Variants in VPS53 observed in about 807,000 individuals in gnomAD.
VPS53 encodes VPS53 subunit of GARP complex.
Under a neutral mutation model 107.0 loss-of-function variants are expected in VPS53, and 70 were observed. The observed-to-expected ratio is 0.65, with a 90% CI of 0.54 to 0.80. The LOEUF is 0.80. Among genes scored for constraint, VPS53 ranks in the 30% least tolerant of loss-of-function variants. VPS53 has a pLI of 0.00. For synonymous variants in VPS53, 409 were observed against 393.3 expected (o/e 1.04, Z -0.47); for missense variants, 917 against 1,049.4 (o/e 0.87, Z 1.74).
At position 714,667 on chromosome 17, in the gene VPS53, C is replaced by T. The variant is rs748239762; in HGVS notation, c.43G>A (p.Ala15Thr). The T allele has an allele frequency of 7.4e-6, 12 of 1,613,536 alleles. 1 individual carries two copies. In the South Asian group the frequency reaches 1.3e-4, roughly 18 times the overall value. Residue 15 changes from alanine to threonine, a missense_variant, in exon 1 of 22, where the codon GCC becomes ACC. By Grantham distance (58) the Ala-to-Thr change is moderately conservative. Transcript: ENST00000437048. Reference protein sequence around the residue: ...EELEFVEELEAVLQLTPEVQL... With the variant: ...EELEFVEELETVLQLTPEVQL... Reference sequence around the variant, plus strand: ...ACCTCGGGCGTGAGCTGCAGCACGGCTTCCAGCTCCTCCACGAACTCCAGT... The same window carrying T: ...ACCTCGGGCGTGAGCTGCAGCACGGTTTCCAGCTCCTCCACGAACTCCAGT...
At position 540,963 on chromosome 17, in the gene VPS53, G is replaced by A. The variant is rs112376584; in HGVS notation, c.1867-3787C>T. On this transcript the variant is annotated intron_variant, in intron 17 of 21. Transcript: ENST00000437048. ...ACCAGAGAACAGCGCTCCACAACTA[G>A]CTTCAGTGGATCTTGTTTTTTCCTA... is the stretch of plus-strand genomic sequence containing the variant. Among the ~76,000 whole-genome samples the A allele has an allele frequency of 7.9e-5, 12 of 152,308 alleles. 1 individual carries two copies. The highest frequency in any genetic ancestry group is 3.9e-4 in the Admixed American group (6 of 15,294).
chr17:649,560 C>T (rs370602555), intron 7 of VPS53, among the ~76,000 whole-genome samples: 1 of 144,792 alleles, frequency 6.9e-6, no homozygotes, highest in South Asian at 2.4e-4. Context: ...AGATCTTACA[C>T]TGGAGGACAG....
intron 10 of VPS53, among the ~76,000 whole-genome samples, chr17:625,453 A>C (rs187310160): frequency 2.3e-3 from 349 of 148,888 alleles, no homozygotes; most frequent in African/African-American, 8.2e-3. Flanking sequence ...AGCCTGGGCA[A>C]CACTGCGAGA....
intron 17 of VPS53, among the ~76,000 whole-genome samples, chr17:548,615 A>G (rs144983626): frequency 0.017 from 1,888 of 112,592 alleles, 101 homozygotes; most frequent in Middle Eastern, 0.029. Flanking sequence ...TGGCCAGCCA[A>G]CAGTCCTTCT....
intron 2 of VPS53, among the ~76,000 whole-genome samples, chr17:709,977 T>A (rs1042736528): frequency 2.0e-5 from 3 of 152,014 alleles, no homozygotes; most frequent in Admixed American, 2.0e-4. Flanking sequence ...AAACCCCGTC[T>A]CTACTAAAAT....
At chr17:647,777 G>A (rs1056821222) in intron 7 of VPS53, among the ~76,000 whole-genome samples, 7 of 152,128 alleles carry the variant, frequency 4.6e-5, no homozygotes, top group African/African-American at 7.2e-5. Flanking sequence ...GCCCCGGAGC[G>A]TCAGAAATAA....
At chr17:642,950 GAGGACAACTCTCATACTTGGAAAGC>G (rs1970496870) in intron 7 of VPS53, among the ~76,000 whole-genome samples, 1 of 105,702 alleles carries the variant, frequency 9.5e-6, no homozygotes, top group Non-Finnish European at 2.2e-5. Context: ...CTTGGCAACC[GAGGACAACTCTCATACTTGGAAAGC>G]GAGGACAACA....
intron 2 of VPS53, among the ~76,000 whole-genome samples, chr17:701,790 A>G (rs1331973886): frequency 6.6e-6 from 1 of 152,172 alleles, no homozygotes; most frequent in Non-Finnish European, 1.5e-5. Flanking sequence ...GCAGTGGTGC[A>G]ATCATAGCTC....
intron 18 of VPS53, 123 bp downstream of exon 18, chr17:536,905 G>T: frequency 4.8e-6 from 6 of 1,257,502 alleles, no homozygotes; most frequent in Non-Finnish European, 6.6e-6. Context: ...TGTTGGGGGG[G>T]TCAGGTACAC....
intron 7 of VPS53, among the ~76,000 whole-genome samples, chr17:650,399 A>T (rs1483801229): frequency 6.6e-6 from 1 of 152,132 alleles, no homozygotes; most frequent in African/African-American, 2.4e-5. Context: ...CAGGAGGTGG[A>T]GGCAGGAGGA....
intron 4 of VPS53, chr17:674,805 G>A (rs1424091952): frequency 6.6e-6 from 1 of 152,234 alleles, no homozygotes; most frequent in Non-Finnish European, 1.5e-5. Flanking sequence ...TACTGCGAAT[G>A]AGAAAATCTG....
In VPS53 at chr17:639,378, C is replaced by G. The variant is rs189103032; in HGVS notation, c.609-7750G>C. Among the ~76,000 whole-genome samples the G allele has an allele frequency of 9.8e-4, 149 of 152,286 alleles. 1 individual carries two copies. Among genetic ancestry groups the G allele is most frequent in the African/African-American group, 3.3e-3 (139 of 41,548 alleles). On this transcript the variant is annotated intron_variant, in intron 7 of 21. Coordinates refer to ENST00000437048, the MANE Select transcript of VPS53 (RefSeq NM_001128159.3). ...TGGGTTCAAACTTCCTCCTTTAGCT[C>G]AGAGAAGTTTGATCGTCTGAAGCCT...
At chr17:534,308 C>T (rs1025667119) in intron 18 of VPS53, among the ~76,000 whole-genome samples, 2 of 152,186 alleles carry the variant, frequency 1.3e-5, no homozygotes, top group South Asian at 4.1e-4. Flanking sequence ...TGTGGTTCAA[C>T]TGCAGTTTCA....
At position 714,724 on chromosome 17, in the gene VPS53, C is replaced by G; in HGVS notation, c.-15G>C. ...TCCTCCATCATTCCGCCACCCGGCCCCCTGCCGACCCCCGCCGCGAGCCCA... is the reference window on the plus strand; with the variant it reads ...TCCTCCATCATTCCGCCACCCGGCCGCCTGCCGACCCCCGCCGCGAGCCCA... On this transcript the variant is annotated 5_prime_UTR_variant, in exon 1 of 22. Transcript: ENST00000437048. 6.2e-7 allele frequency: 1 copy of G among 1,613,240 alleles called. No individual in the cohort carries two copies.
Position 627,504 on chromosome 17 carries a change from G to A in VPS53, c.832-188C>T, listed in dbSNP as rs535461615. Among the ~76,000 whole-genome samples, 7 of 152,254 alleles carry A rather than the reference G, an allele frequency of 4.6e-5. No individual in the cohort carries two copies. In the East Asian group the frequency reaches 5.8e-4, roughly 13 times the overall value. On this transcript the variant is annotated intron_variant, in intron 9 of 21. Coordinates refer to ENST00000437048, the MANE Select transcript of VPS53 (RefSeq NM_001128159.3). ...AAAATTCAGAGGTTTTTGGCTGGGCGCAGTGGCTCATGCCTATAATCCCAG... is the reference window on the plus strand; with the variant it reads ...AAAATTCAGAGGTTTTTGGCTGGGCACAGTGGCTCATGCCTATAATCCCAG...
At chr17:637,267 C>G (rs922102201) in intron 7 of VPS53, among the ~76,000 whole-genome samples, 20 of 152,038 alleles carry the variant, frequency 1.3e-4, no homozygotes, top group Non-Finnish European at 2.4e-4. Context: ...GGTGATATCC[C>G]CTTTATCATT....
chr17:706,307 G>A (rs569168100), intron 2 of VPS53, among the ~76,000 whole-genome samples: 135 of 152,222 alleles, frequency 8.9e-4, no homozygotes, highest in African/African-American at 3.0e-3. Flanking sequence ...GGGAGGTCAA[G>A]GTGGGCAGAT....
intron 17 of VPS53, 131 bp downstream of exon 17, chr17:551,741 G>C: frequency 1.4e-6 from 1 of 696,528 alleles, no homozygotes; most frequent in Non-Finnish European, 2.2e-6. Flanking sequence ...CAGGAACTCC[G>C]GGGCCTCTCC....
chr17:707,752 C>A (rs1370236795), intron 2 of VPS53, among the ~76,000 whole-genome samples: 1 of 149,314 alleles, frequency 6.7e-6, no homozygotes, highest in African/African-American at 2.5e-5. Context: ...CTCAGAAGGC[C>A]GATGTAGTGG....
Sources: gnomAD v4.1 joint callset for allele counts (sites outside exome capture counted in the v4.1 genomes callset) on GRCh38, gnomAD v4.1.1 for gene constraint, MANE v1.5 for transcripts, NCBI Gene and HGNC (gene_info 2026-07-23, HGNC 2026-07-21) for gene names.